ARL5A: variants seen among roughly 807,000 people sequenced by gnomAD.
ARL5A encodes ARF like GTPase 5A, also known as ADP-ribosylation factor-like protein 5A.
ARL5A carries 18 observed loss-of-function variants against 25.9 expected under a neutral mutation model. That is an observed-to-expected ratio of 0.69 (90% confidence interval 0.48 to 1.03). The LOEUF is 1.03. ARL5A is among the 50% of genes least tolerant of loss of function. The pLI is 0.00. For synonymous variants in ARL5A, 61 were observed against 67.5 expected, an observed-to-expected ratio of 0.90 and a Z score of 0.47; for missense variants, 170 against 211.9, an observed-to-expected ratio of 0.80 and a Z score of 1.23.
Position 151,826,433 on chromosome 2 carries a change from C to T in ARL5A, c.46+1698G>A, listed in dbSNP as rs949261228. Among the ~76,000 whole-genome samples the T allele has an allele frequency of 2.6e-5, 4 of 152,182 alleles. No homozygotes were observed. In the East Asian group the frequency reaches 5.8e-4, roughly 22 times the overall value. ...CCTTATTATTTACTACTCCAAGGAG[C>T]TGTTGGCAAAGTTCTCATTTATTCT... On this transcript the variant is annotated intron_variant, in intron 1 of 5. Transcript: ENST00000295087.
chr2:151,800,709 T>A lies in ARL5A; in HGVS notation c.*2567A>T, dbSNP rs892059244. On this transcript the variant is annotated 3_prime_UTR_variant, in exon 6 of 6. Transcript: ENST00000295087. ...AATGTGTAAGATGTACTTTTACAGA[T>A]GCTATTATGATAAAATTAAACATAT... 6.6e-6 allele frequency: 1 copy of A among 152,226 alleles called. No individual in the cohort carries two copies. Among genetic ancestry groups the A allele is most frequent in the African/African-American group, 2.4e-5 (1 of 41,462 alleles). The allele number at this position is 152,226 out of a possible 1,614,324, so 9.4% of individuals were successfully genotyped here. A position where few individuals can be genotyped will look rare whatever the true frequency, so the allele number is the denominator to read the frequency against.
chr2:151,812,986 T>C (rs2099831047), intron 3 of ARL5A, among the ~76,000 whole-genome samples: 1 of 152,122 alleles, frequency 6.6e-6, no homozygotes, highest in Admixed American at 6.5e-5. Context: ...CTTCATAAAC[T>C]GATGATGAGA....
rs953037025 is a variant in ARL5A at position 151,800,162 on chromosome 2, T to C, written c.*3114A>G. ...TCCCAAAAATGCCTCCAGAGAAAAC[T>C]AGAAAGTTGTCTATAGATTTTCTAT... On this transcript the variant is annotated 3_prime_UTR_variant, in exon 6 of 6. Transcript: ENST00000295087. 3.3e-5 allele frequency: 5 copies of C among 152,168 alleles called. No homozygotes were observed. The highest frequency in any genetic ancestry group is 2.1e-4 in the South Asian group (1 of 4,832). The allele number at this position is 152,168 out of a possible 1,614,324, so 9.4% of individuals were successfully genotyped here. A position where few individuals can be genotyped will look rare whatever the true frequency, so the allele number is the denominator to read the frequency against.
chr2:151,826,789 A>C (rs1377631379), intron 1 of ARL5A, among the ~76,000 whole-genome samples: 1 of 152,130 alleles, frequency 6.6e-6, no homozygotes, highest in Non-Finnish European at 1.5e-5. Flanking sequence ...ACTGCTTCCC[A>C]CTCTCCTGCT....
intron 4 of ARL5A, among the ~76,000 whole-genome samples, chr2:151,811,051 C>T (rs187918901): frequency 1.2e-3 from 184 of 152,070 alleles, no homozygotes; most frequent in African/African-American, 4.1e-3. Context: ...AATGGCAAGA[C>T]GTATTTCTGT....
intron 1 of ARL5A, among the ~76,000 whole-genome samples, chr2:151,820,660 C>CAAAAAAAAAAA (rs71410438): frequency 1.1e-4 from 5 of 45,078 alleles, no homozygotes; most frequent in East Asian, 8.0e-4. Flanking sequence ...ATCCTGTCTC[C>CAAAAAAAAAAA]AAAAAAAAAA....
rs1307907598 is a variant in ARL5A, at chr2:151,801,479, A to G, written c.*1797T>C. The G allele has an allele frequency of 6.6e-6, 1 of 152,170 alleles. No homozygotes were observed. Among genetic ancestry groups the G allele is most frequent in the Non-Finnish European group, 1.5e-5 (1 of 67,980 alleles). The allele number at this position is 152,170 out of a possible 1,614,324, so 9.4% of individuals were successfully genotyped here. A position where few individuals can be genotyped will look rare whatever the true frequency, so the allele number is the denominator to read the frequency against. ...AGGAGATTTTTAATAGATAACAAGTAATTCTTTATAGGGATTTGAGAAAGT... is the reference window on the plus strand; with the variant it reads ...AGGAGATTTTTAATAGATAACAAGTGATTCTTTATAGGGATTTGAGAAAGT... On this transcript the variant is annotated 3_prime_UTR_variant, in exon 6 of 6. Transcript: ENST00000295087.
In ARL5A at chr2:151,814,204, G is replaced by A. The variant is rs1230416518; in HGVS notation, c.220C>T (p.Arg74Cys). The A allele has an allele frequency of 3.1e-6, 5 of 1,606,408 alleles. No individual in the cohort carries two copies. The highest frequency in any genetic ancestry group is 4.2e-6 in the Non-Finnish European group (5 of 1,177,712). Residue 74 changes from arginine (R) to cysteine (C), a missense_variant, in exon 3 of 6, where the codon CGT (arginine) becomes TGT (cysteine). Coordinates refer to ENST00000295087, the MANE Select transcript of ARL5A (RefSeq NM_012097.4). ...MWDIGGQESLRSSWNTYYTNT... is the reference protein window; with the variant it reads ...MWDIGGQESLCSSWNTYYTNT... Reference sequence around the variant, plus strand: ...GTATAGTAAGTGTTCCAGGAAGAACGAAGAGATTCTTGGCCACCAATATCC... The same window carrying A: ...GTATAGTAAGTGTTCCAGGAAGAACAAAGAGATTCTTGGCCACCAATATCC...
At chr2:151,807,639 CAGTTGA>C (rs2099830266) in intron 4 of ARL5A, among the ~76,000 whole-genome samples, 1 of 152,156 alleles carries the variant, frequency 6.6e-6, no homozygotes, top group African/African-American at 2.4e-5. Flanking sequence ...GCTTAATTCT[CAGTTGA>C]AGTTCTATCC....
At chr2:151,822,167 C>G (rs1419977446) in intron 1 of ARL5A, among the ~76,000 whole-genome samples, 1 of 152,094 alleles carries the variant, frequency 6.6e-6, no homozygotes, top group African/African-American at 2.4e-5. Flanking sequence ...GTTTACTGTG[C>G]CTGGCCTAAT....
At chr2:151,823,203 G>A (rs1029168048) in intron 1 of ARL5A, among the ~76,000 whole-genome samples, 1 of 151,804 alleles carries the variant, frequency 6.6e-6, no homozygotes, top group Non-Finnish European at 1.5e-5. Context: ...GACAGCTCCT[G>A]GAATAAAGCA....
rs2099833396 is a variant in ARL5A, at chr2:151,828,396, G to A, written c.-220C>T. 5.0e-6 allele frequency: 2 copies of A among 401,794 alleles called. No individual in the cohort carries two copies. The highest frequency in any genetic ancestry group is 8.7e-6 in the Non-Finnish European group (2 of 228,796). 24.9% of individuals were successfully genotyped at this position (401,794 alleles called of 1,614,324 possible). A position where few individuals can be genotyped will look rare whatever the true frequency, so the allele number is the denominator to read the frequency against. On this transcript the variant is annotated 5_prime_UTR_variant, in exon 1 of 6. Coordinates refer to ENST00000295087, the MANE Select transcript of ARL5A (RefSeq NM_012097.4). ...TGCCGCCGCGGCACTCGCCTGGCTCGCGGACATCGCCGCCGCGTTGTCTGC... is the reference window on the plus strand; with the variant it reads ...TGCCGCCGCGGCACTCGCCTGGCTCACGGACATCGCCGCCGCGTTGTCTGC...
At chr2:151,806,453 T>C (rs1229907616) in intron 5 of ARL5A, among the ~76,000 whole-genome samples, 2 of 152,192 alleles carry the variant, frequency 1.3e-5, no homozygotes, top group Non-Finnish European at 2.9e-5. Flanking sequence ...TGAAGCACTA[T>C]ATGGAAAACA....
At chr2:151,815,980 T>C (rs190558360) in intron 1 of ARL5A, among the ~76,000 whole-genome samples, 1 of 152,290 alleles carries the variant, frequency 6.6e-6, no homozygotes, top group Non-Finnish European at 1.5e-5. Flanking sequence ...GAAGCTAGTG[T>C]CCAAGATGGC....
rs1023979324 is a variant in ARL5A at position 151,800,493 on chromosome 2, C to T, written c.*2783G>A. ...ACTTTCACTGCCTATATTAAAAATG[C>T]CAGCCATCAGTGCTAAAGCACTTTT... On this transcript the variant is annotated 3_prime_UTR_variant, in exon 6 of 6. Coordinates refer to ENST00000295087, the MANE Select transcript of ARL5A (RefSeq NM_012097.4). 1 of 152,152 alleles carries T rather than the reference C, an allele frequency of 6.6e-6. No homozygotes were observed. Among genetic ancestry groups the T allele is most frequent in the African/African-American group, 2.4e-5 (1 of 41,434 alleles). The allele number at this position is 152,152 out of a possible 1,614,324, so 9.4% of individuals were successfully genotyped here.
At chr2:151,818,197 G>C (rs774248689) in intron 1 of ARL5A, among the ~76,000 whole-genome samples, 1 of 152,194 alleles carries the variant, frequency 6.6e-6, no homozygotes, top group Non-Finnish European at 1.5e-5. Flanking sequence ...TTACATGATG[G>C]CTGAATTAAA....
At chr2:151,827,904 A>AC in intron 1 of ARL5A, 1 of 550,134 alleles carries the variant, frequency 1.8e-6, no homozygotes, top group Non-Finnish European at 3.2e-6. Flanking sequence ...TACGGAAAAG[A>AC]CTTCTTAGGA....
chr2:151,824,622 G>C (rs2099832786), intron 1 of ARL5A, among the ~76,000 whole-genome samples: 1 of 152,144 alleles, frequency 6.6e-6, no homozygotes, highest in Non-Finnish European at 1.5e-5. Context: ...CCAACCAAGA[G>C]AGCAATACAA....
At position 151,815,170 on chromosome 2, in the gene ARL5A, T is replaced by C. The variant is rs543220434; in HGVS notation, c.76A>G (p.Asn26Asp). The C allele has an allele frequency of 3.1e-6, 5 of 1,607,968 alleles. No homozygotes were observed. The highest frequency in any genetic ancestry group is 4.5e-5 in the East Asian group (2 of 44,678). ...TAAAGAATGGTAGTTTTCCCTGCAT[T>C]ATCCAGCCCAACAATGATAACTTTG... Reference protein sequence around the residue: ...EHKVIIVGLDNAGKTTILYQF... With the variant: ...EHKVIIVGLDDAGKTTILYQF... The change falls in exon 2 of 6, where the codon AAT becomes GAT. Residue 26 changes from asparagine to aspartate, a missense_variant. Transcript: ENST00000295087.
Sources: gnomAD v4.1 joint callset for allele counts (sites outside exome capture counted in the v4.1 genomes callset) on GRCh38, gnomAD v4.1.1 for gene constraint, MANE v1.5 for transcripts, NCBI Gene and HGNC (gene_info 2026-07-23, HGNC 2026-07-21) for gene names.